ELMO1: variants seen among roughly 807,000 people sequenced by gnomAD.
The protein encoded by ELMO1 is engulfment and cell motility 1.
A neutral mutation model predicts 98.9 loss-of-function variants in ELMO1; 26 were observed. The ratio of observed to expected loss-of-function variants is 0.26; its 90% CI spans 0.19 to 0.36. ELMO1 has a LOEUF of 0.36. ELMO1 is among the 10% of genes least tolerant of loss of function. ELMO1 has a pLI of 1.00. For synonymous variants in ELMO1, 346 were observed against 346.0 expected (o/e 1.00, Z 0.00); for missense variants, 627 against 935.2 (o/e 0.67, Z 4.30).
At chr7:37,259,454 A>G in intron 5 of ELMO1, 104 bp from the exon 6 acceptor site, 1 of 1,288,034 alleles carries the variant, frequency 7.8e-7, no homozygotes, top group Non-Finnish European at 1.1e-6. Flanking sequence ...CCAAAAGCGC[A>G]AGACTATCTG....
At chr7:37,250,392 C>T (rs747986492) in intron 6 of ELMO1, among the ~76,000 whole-genome samples, 31 of 152,158 alleles carry the variant, frequency 2.0e-4, no homozygotes, top group Middle Eastern at 3.4e-3. Flanking sequence ...ATATAAAAAA[C>T]GATATTCATC....
chr7:37,179,923 G>A (rs2129969795), intron 13 of ELMO1, among the ~76,000 whole-genome samples: 1 of 152,096 alleles, frequency 6.6e-6, no homozygotes, highest in African/African-American at 2.4e-5. Flanking sequence ...GGCAGCCTGG[G>A]GAATTTTTCA....
chr7:36,927,042 C>G (rs1278125195), intron 16 of ELMO1, among the ~76,000 whole-genome samples: 1 of 152,144 alleles, frequency 6.6e-6, no homozygotes, highest in African/African-American at 2.4e-5. Context: ...AAAAATATAA[C>G]AAGACTAACA....
intron 16 of ELMO1, among the ~76,000 whole-genome samples, chr7:36,897,929 T>C (rs955684645): frequency 3.9e-5 from 6 of 152,200 alleles, no homozygotes; most frequent in Non-Finnish European, 5.9e-5. Flanking sequence ...GGAAGGGATA[T>C]AAGCAGTGGG....
At chr7:37,446,619 A>T (rs1805629627) in intron 1 of ELMO1, among the ~76,000 whole-genome samples, 1 of 152,182 alleles carries the variant, frequency 6.6e-6, no homozygotes, top group Non-Finnish European at 1.5e-5. Context: ...AAGGACAGTA[A>T]GCATGACCAT....
chr7:37,344,742 T>C (rs903936132), intron 1 of ELMO1, among the ~76,000 whole-genome samples: 1 of 152,168 alleles, frequency 6.6e-6, no homozygotes, highest in African/African-American at 2.4e-5. Context: ...AAAAATAAAA[T>C]CTTAATGTAT....
intron 13 of ELMO1, among the ~76,000 whole-genome samples, chr7:37,171,324 T>C (rs1790138959): frequency 6.6e-6 from 1 of 152,076 alleles, no homozygotes; most frequent in South Asian, 2.1e-4. Context: ...TTCTCAGTTG[T>C]ACATAAAATG....
intron 13 of ELMO1, among the ~76,000 whole-genome samples, chr7:37,208,035 T>C (rs1792737771): frequency 6.6e-6 from 1 of 152,124 alleles, no homozygotes; most frequent in African/African-American, 2.4e-5. Flanking sequence ...GGTGTTGTGG[T>C]TTATTACCTT....
intron 4 of ELMO1, among the ~76,000 whole-genome samples, chr7:37,283,463 G>A (rs1179060578): frequency 6.6e-6 from 1 of 152,158 alleles, no homozygotes; most frequent in Non-Finnish European, 1.5e-5. Flanking sequence ...CCCAGTTCAT[G>A]TCCACATCTC....
At chr7:37,182,217 CTA>C (rs1790910022) in intron 13 of ELMO1, among the ~76,000 whole-genome samples, 2 of 152,128 alleles carry the variant, frequency 1.3e-5, no homozygotes, top group African/African-American at 4.8e-5. Context: ...ACAGTGAAAA[CTA>C]GAGCTTCACA....
chr7:37,243,439 A>T (rs1584862992), intron 7 of ELMO1, among the ~76,000 whole-genome samples: 1 of 152,222 alleles, frequency 6.6e-6, no homozygotes, highest in Non-Finnish European at 1.5e-5. Flanking sequence ...AGTGGCTTCT[A>T]CTGTCATTAC....
intron 16 of ELMO1, among the ~76,000 whole-genome samples, chr7:36,906,829 A>G (rs1422497965): frequency 2.0e-5 from 3 of 152,176 alleles, no homozygotes. Context: ...TTATAAGAGT[A>G]GATCTCAGTA....
At chr7:37,213,532 G>C in intron 11 of ELMO1, 75 bp from the exon 12 acceptor site, 1 of 1,411,038 alleles carries the variant, frequency 7.1e-7, no homozygotes, top group African/African-American at 1.4e-5. Context: ...CACTCAAGAA[G>C]GCTCTCACAG....
chr7:37,062,950 A>G (rs1488945593), intron 15 of ELMO1, among the ~76,000 whole-genome samples: 1 of 152,166 alleles, frequency 6.6e-6, no homozygotes, highest in African/African-American at 2.4e-5. Context: ...TGACAGCCCA[A>G]TAAGTGGGAG....
rs568234980 is a variant in ELMO1, at chr7:37,199,147, T to G, written c.1086+12239A>C. 1.9e-4 allele frequency among the ~76,000 whole-genome samples: 29 copies of G among 152,370 alleles called. No individual in the cohort carries two copies. In the East Asian group the frequency reaches 5.6e-3, roughly 29 times the overall value. On this transcript the variant is annotated intron_variant, in intron 13 of 21. Transcript: ENST00000310758. ...GGAAAGGAGTTTGGAAAAACAGGAC[T>G]GGAAGAAACCTGTCTCTTCACCTGG... is the stretch of plus-strand genomic sequence containing the variant.
At chr7:37,178,516 C>T (rs191103263) in intron 13 of ELMO1, among the ~76,000 whole-genome samples, 7 of 151,942 alleles carry the variant, frequency 4.6e-5, no homozygotes, top group African/African-American at 1.2e-4. Flanking sequence ...GTGGGAGGAT[C>T]GCCTGAGCCC....
At chr7:37,313,202 T>C (rs147250179) in intron 4 of ELMO1, among the ~76,000 whole-genome samples, 1 of 148,584 alleles carries the variant, frequency 6.7e-6, no homozygotes, top group Non-Finnish European at 1.5e-5. Context: ...GGAAATCAAG[T>C]TCACTTGTTA....
rs965122244 is a variant in ELMO1 at position 37,285,850 on chromosome 7, A to T, written c.193-13968T>A. ...AGCCTTATTTTTCCATCCACTTGAG[A>T]TAAGAGACCTGATTGCCAGCCCTTC... On this transcript the variant is annotated intron_variant, in intron 4 of 21. Transcript: ENST00000310758. Among the ~76,000 whole-genome samples the T allele has an allele frequency of 2.6e-5, 4 of 152,204 alleles. No homozygotes were observed. The East Asian group carries it at 5.8e-4, about 22-fold the overall frequency.
In ELMO1 at chr7:37,244,285, T is replaced by C. The variant is rs1794891989; in HGVS notation, c.449+71A>G. On this transcript the variant is annotated intron_variant, in intron 7 of 21. Transcript: ENST00000310758. Reference sequence around the variant, plus strand: ...ATGCATAGTTATACAATCAGTCAGATGACAGGGCTCAATTATGCAGGAAAG... The same window carrying C: ...ATGCATAGTTATACAATCAGTCAGACGACAGGGCTCAATTATGCAGGAAAG... 4.0e-6 allele frequency: 6 copies of C among 1,509,622 alleles called. No homozygotes were observed. In the South Asian group the frequency reaches 5.9e-5, roughly 15 times the overall value. 93.5% of individuals were successfully genotyped at this position (1,509,622 alleles called of 1,614,324 possible). A position where few individuals can be genotyped will look rare whatever the true frequency, so the allele number is the denominator to read the frequency against.
Sources: gnomAD v4.1 joint callset for allele counts (sites outside exome capture counted in the v4.1 genomes callset) on GRCh38, gnomAD v4.1.1 for gene constraint, MANE v1.5 for transcripts, NCBI Gene and HGNC (gene_info 2026-07-23, HGNC 2026-07-21) for gene names.